DPP10: variants seen among roughly 807,000 people sequenced by gnomAD.
DPP10 encodes the protein inactive dipeptidyl peptidase 10.
Under a neutral mutation model 120.9 loss-of-function variants are expected in DPP10, and 33 were observed. The ratio of observed to expected loss-of-function variants is 0.27; its 90% CI spans 0.21 to 0.37. The LOEUF is 0.37. Among genes scored for constraint, DPP10 ranks in the 10% least tolerant of loss-of-function variants. The pLI is 1.00. For missense variants in DPP10, 816 were observed against 942.8 expected (o/e 0.87, Z 1.76); for synonymous variants, 337 against 326.1 (o/e 1.03, Z -0.36).
At chr2:115,374,598 A>G (rs1435925058) in intron 3 of DPP10, among the ~76,000 whole-genome samples, 2 of 152,182 alleles carry the variant, frequency 1.3e-5, no homozygotes, top group Non-Finnish European at 2.9e-5. Context: ...GCACTGCCTT[A>G]GGAGAGGTTT....
intron 1 of DPP10, among the ~76,000 whole-genome samples, chr2:114,579,722 T>C (rs1258383361): frequency 6.6e-6 from 1 of 152,208 alleles, no homozygotes; most frequent in Non-Finnish European, 1.5e-5. Context: ...TTTCTTTTTA[T>C]AGCATCAACA....
chr2:115,035,172 G>T (rs1704142080), intron 1 of DPP10, among the ~76,000 whole-genome samples: 1 of 152,118 alleles, frequency 6.6e-6, no homozygotes, highest in Admixed American at 6.6e-5. Flanking sequence ...TTCTCTTTCT[G>T]CCTGGAAAAC....
At chr2:115,509,826 A>G (rs566618154) in intron 4 of DPP10, among the ~76,000 whole-genome samples, 20 of 152,296 alleles carry the variant, frequency 1.3e-4, no homozygotes, top group African/African-American at 4.6e-4. Context: ...CTTCCTAGCA[A>G]TGGTATAAGA....
intron 3 of DPP10, among the ~76,000 whole-genome samples, chr2:115,414,233 T>A (rs888703221): frequency 6.6e-6 from 1 of 152,162 alleles, no homozygotes; most frequent in Non-Finnish European, 1.5e-5. Context: ...ACTCTATTAT[T>A]ATAGAGATGA....
intron 1 of DPP10, among the ~76,000 whole-genome samples, chr2:115,159,177 G>A (rs2052114967): frequency 6.6e-6 from 1 of 152,112 alleles, no homozygotes; most frequent in South Asian, 2.1e-4. Context: ...AGGTGGAAGT[G>A]GCATGGCATG....
intron 5 of DPP10, among the ~76,000 whole-genome samples, chr2:115,668,099 T>G (rs1270428566): frequency 3.9e-5 from 6 of 152,170 alleles, no homozygotes; most frequent in Non-Finnish European, 7.4e-5. Context: ...ATATCTTCAG[T>G]ACAGTAGTAG....
chr2:114,900,560 CT>C (rs1393727523), intron 1 of DPP10, among the ~76,000 whole-genome samples: 1 of 152,136 alleles, frequency 6.6e-6, no homozygotes, highest in African/African-American at 2.4e-5. Flanking sequence ...GGTTGTTTGT[CT>C]TCTACAATTG....
At chr2:115,327,213 C>T (rs911413740) in intron 2 of DPP10, among the ~76,000 whole-genome samples, 1 of 152,028 alleles carries the variant, frequency 6.6e-6, no homozygotes, top group Non-Finnish European at 1.5e-5. Flanking sequence ...TAGGCTGTAT[C>T]TTATAGCATA....
intron 1 of DPP10, among the ~76,000 whole-genome samples, chr2:114,637,892 G>C (rs1390449212): frequency 6.6e-6 from 1 of 151,834 alleles, no homozygotes; most frequent in Non-Finnish European, 1.5e-5. Context: ...CTGTAGCGCT[G>C]TAGTATAGTT....
chr2:114,658,446 T>C (rs1019023660), intron 1 of DPP10, among the ~76,000 whole-genome samples: 5 of 152,094 alleles, frequency 3.3e-5, no homozygotes, highest in African/African-American at 4.8e-5. Context: ...GTTTTTATTA[T>C]AGATATTTTG....
At chr2:115,141,067 C>A (rs1316301542) in intron 1 of DPP10, among the ~76,000 whole-genome samples, 1 of 152,008 alleles carries the variant, frequency 6.6e-6, no homozygotes, top group Non-Finnish European at 1.5e-5. Context: ...TGAGTTAGAG[C>A]AAGAAGGTAG....
intron 1 of DPP10, among the ~76,000 whole-genome samples, chr2:115,167,393 A>AAAAC (rs142540388): frequency 2.7e-4 from 41 of 150,928 alleles, no homozygotes; most frequent in Middle Eastern, 3.4e-3. Context: ...CTTTGTCTCT[A>AAAAC]AAACAAACAA....
chr2:114,471,913 T>G lies in DPP10; in HGVS notation c.60+29075T>G, dbSNP rs10179672. On this transcript the variant is annotated intron_variant, in intron 1 of 25. Transcript: ENST00000410059. ...TCCGGTTAGAAAACAAACCACAGGA[T>G]TGGTAGGATCTGAAAGTTGTCACAG... 5.3e-5 allele frequency among the ~76,000 whole-genome samples: 8 copies of G among 152,248 alleles called. No homozygotes were observed. In the East Asian group the frequency reaches 1.4e-3, roughly 26 times the overall value.
intron 1 of DPP10, among the ~76,000 whole-genome samples, chr2:114,841,923 G>T (rs750665595): frequency 2.6e-5 from 4 of 152,102 alleles, no homozygotes; most frequent in African/African-American, 9.7e-5. Context: ...TTCCAAGTCT[G>T]ACTCAATGGT....
chr2:115,760,069 G>A (rs980865827), intron 11 of DPP10, among the ~76,000 whole-genome samples: 3 of 151,838 alleles, frequency 2.0e-5, no homozygotes, highest in Non-Finnish European at 2.9e-5. Flanking sequence ...CCATTACAAA[G>A]TATTTGCACA....
chr2:115,543,788 C>T (rs1042107005), intron 5 of DPP10, among the ~76,000 whole-genome samples: 1 of 151,996 alleles, frequency 6.6e-6, no homozygotes, highest in Non-Finnish European at 1.5e-5. Context: ...TAAATTCAGA[C>T]ACAGTCAATG....
At chr2:114,990,545 T>C (rs987078032) in intron 1 of DPP10, among the ~76,000 whole-genome samples, 3 of 152,232 alleles carry the variant, frequency 2.0e-5, no homozygotes, top group African/African-American at 7.2e-5. Context: ...GTCTTGGATT[T>C]TCTGCGATTT....
chr2:114,987,804 C>CTTTT (rs59203543), intron 1 of DPP10, among the ~76,000 whole-genome samples: 14 of 101,036 alleles, frequency 1.4e-4, no homozygotes, highest in African/African-American at 3.9e-4. Flanking sequence ...TGGAGACTGT[C>CTTTT]TTTTTTTTTT....
At chr2:114,756,320 C>A (rs1679743162) in intron 1 of DPP10, among the ~76,000 whole-genome samples, 1 of 152,270 alleles carries the variant, frequency 6.6e-6, no homozygotes, top group Admixed American at 6.5e-5. Flanking sequence ...CCTGGGGGAT[C>A]TGCAACATCA....
Sources: gnomAD v4.1 joint callset for allele counts (sites outside exome capture counted in the v4.1 genomes callset) on GRCh38, gnomAD v4.1.1 for gene constraint, MANE v1.5 for transcripts, NCBI Gene and HGNC (gene_info 2026-07-23, HGNC 2026-07-21) for gene names.